The following SLC35A5 variants were observed in gnomAD, a reference collection of about 807,000 sequenced individuals.
SLC35A5 encodes UDP-sugar transporter protein SLC35A5.
Under a neutral mutation model 36.3 loss-of-function variants are expected in SLC35A5, and 28 were observed. That is an observed-to-expected ratio of 0.77 (90% CI 0.57 to 1.06). SLC35A5 has a LOEUF of 1.06. Ranked by LOEUF, SLC35A5 falls within the 50% of genes least tolerant of loss-of-function variation. The pLI is 0.00. For missense variants in SLC35A5, 521 were observed against 499.3 expected (o/e 1.04, Z -0.41); for synonymous variants, 180 against 173.7 (o/e 1.04, Z -0.29).
intron 2 of SLC35A5, 114 bp from the exon 3 acceptor site, chr3:112,569,053 AACTT>A (rs1576747799): frequency 5.3e-6 from 4 of 751,892 alleles, no homozygotes; most frequent in Non-Finnish European, 8.3e-6. Flanking sequence ...AACTGGAAGA[AACTT>A]AATATAACCA....
chr3:112,575,922 G>T (rs1382771502), intron 5 of SLC35A5, among the ~76,000 whole-genome samples: 1 of 151,838 alleles, frequency 6.6e-6, no homozygotes, highest in African/African-American at 2.4e-5. Context: ...ACCACGCCCA[G>T]CTAATTTTTG....
upstream of SLC35A5, chr3:112,561,561 G>C: frequency 2.5e-6 from 4 of 1,599,566 alleles, no homozygotes; most frequent in East Asian, 6.7e-5. Flanking sequence ...GCCCCGCGAC[G>C]GGATGGAAAG....
chr3:112,568,331 A>C (rs1934289561), intron 2 of SLC35A5, among the ~76,000 whole-genome samples: 1 of 152,240 alleles, frequency 6.6e-6, no homozygotes, highest in South Asian at 2.1e-4. Flanking sequence ...TGAGAGAAGC[A>C]AGCAAATGTC....
rs1559864599 is a variant in SLC35A5, at chr3:112,581,021, C to T, written c.904C>T (p.His302Tyr). The T allele has an allele frequency of 6.2e-7, 1 of 1,614,034 alleles. No homozygotes were observed. Among genetic ancestry groups the T allele is most frequent in the East Asian group, 2.2e-5 (1 of 44,882 alleles). The change falls in exon 6 of 7, where the codon CAC (histidine) becomes TAC (tyrosine). Residue 302 changes from histidine (H) to tyrosine (Y), a missense_variant. Coordinates refer to ENST00000492406, the MANE Select transcript of SLC35A5 (RefSeq NM_017945.5). ...TAAGAACTGTGGATTTTTTTATGGC[C>T]ACAGTGCATTTTCAGTAGCCCTTAT... Reference protein sequence around the residue: ...QIKNCGFFYGHSAFSVALIFV... With the variant: ...QIKNCGFFYGYSAFSVALIFV...
At chr3:112,573,083 T>C (rs189673553) in intron 4 of SLC35A5, among the ~76,000 whole-genome samples, 11 of 152,176 alleles carry the variant, frequency 7.2e-5, no homozygotes, top group Non-Finnish European at 1.3e-4. Flanking sequence ...ATATTAGCCA[T>C]GTTTGTTTTA....
intron 5 of SLC35A5, among the ~76,000 whole-genome samples, chr3:112,579,215 T>C (rs1934791471): frequency 6.6e-6 from 1 of 152,286 alleles, no homozygotes; most frequent in Non-Finnish European, 1.5e-5. Context: ...TACAAAACCA[T>C]GGATCCGATC....
intron 2 of SLC35A5, among the ~76,000 whole-genome samples, chr3:112,566,510 A>G (rs1480377104): frequency 6.6e-6 from 1 of 152,234 alleles, no homozygotes; most frequent in Non-Finnish European, 1.5e-5. Flanking sequence ...AAGAGGGCCA[A>G]ACTCCGAGGA....
chr3:112,564,356 T>A (rs565846205), intron 2 of SLC35A5: 36 of 152,296 alleles, frequency 2.4e-4, no homozygotes, highest in Admixed American at 1.4e-3. Context: ...GGTCTCTGCA[T>A]CATAAACAAG....
intron 2 of SLC35A5, among the ~76,000 whole-genome samples, chr3:112,566,801 A>G (rs1046825176): frequency 1.6e-4 from 25 of 152,238 alleles, no homozygotes; most frequent in Non-Finnish European, 3.1e-4. Flanking sequence ...AAGAACGTTG[A>G]TACTGTTTCA....
intron 2 of SLC35A5, among the ~76,000 whole-genome samples, chr3:112,566,062 G>A (rs1311354724): frequency 6.6e-6 from 1 of 152,190 alleles, no homozygotes; most frequent in African/African-American, 2.4e-5. Context: ...GACTAACTTA[G>A]TGTTTTGGAA....
At chr3:112,563,036 G>A (rs562950393) in intron 1 of SLC35A5, among the ~76,000 whole-genome samples, 4 of 152,216 alleles carry the variant, frequency 2.6e-5, no homozygotes, top group Non-Finnish European at 4.4e-5. Context: ...CTCCAGCCTG[G>A]GTGACAGAGC....
At position 112,563,386 on chromosome 3, in the gene SLC35A5, T is replaced by A; in HGVS notation, c.-18T>A. 1 of 1,484,850 alleles carries A rather than the reference T, an allele frequency of 6.7e-7. No homozygotes were observed. The highest frequency in any genetic ancestry group is 9.1e-7 in the Non-Finnish European group (1 of 1,097,688). The allele number at this position is 1,484,850 out of a possible 1,614,324, so 92.0% of individuals were successfully genotyped here. On this transcript the variant is annotated splice_region_variant and 5_prime_UTR_variant, in exon 2 of 7. Coordinates refer to ENST00000492406, the MANE Select transcript of SLC35A5 (RefSeq NM_017945.5). ...CATGAAAGTGTTTTTCTCTTTAAGG[T>A]AATTAAAAAACAGTGGAATGGAAAA...
chr3:112,573,952 CTGAAGTAAGTAACT>C lies in SLC35A5; in HGVS notation c.427_428+12del. ...AACAGCTCTTCTATTCAGGATAGTG[CTGAAGTAAGTAACT>C]TGCTGTGAAAACATATATCATACTT... On this transcript the variant is annotated splice_donor_variant and splice_donor_5th_base_variant and coding_sequence_variant and intron_variant, in exon 5 of 7. Coordinates refer to ENST00000492406, the MANE Select transcript of SLC35A5 (RefSeq NM_017945.5). LOFTEE classifies it high-confidence loss of function. The C allele has an allele frequency of 6.2e-7, 1 of 1,611,484 alleles. No individual in the cohort carries two copies.
intron 2 of SLC35A5, among the ~76,000 whole-genome samples, chr3:112,564,782 A>G (rs112109218): frequency 6.6e-6 from 1 of 152,134 alleles, no homozygotes; most frequent in Non-Finnish European, 1.5e-5. Context: ...CGTACTTGAG[A>G]TTAGGGAGTG....
intron 1 of SLC35A5, among the ~76,000 whole-genome samples, chr3:112,563,043 G>T (rs954491618): frequency 1.3e-5 from 2 of 152,248 alleles, no homozygotes; most frequent in African/African-American, 4.8e-5. Context: ...CTGGGTGACA[G>T]AGCGAGACTC....
Position 112,563,456 on chromosome 3 carries a change from A to T in SLC35A5, c.53A>T (p.Tyr18Phe). 1 of 1,605,116 alleles carries T rather than the reference A, an allele frequency of 6.2e-7. No individual in the cohort carries two copies. The highest frequency in any genetic ancestry group is 8.5e-7 in the Non-Finnish European group (1 of 1,173,110). Residue 18 changes from tyrosine (Y) to phenylalanine (F), a missense_variant, in exon 2 of 7, where the codon TAT becomes TTT. Transcript: ENST00000492406. ...HPVICSLSTM[Y>F]TFLLGAIFIA... ...GTAATATGCTCCTTGTCAACAATGT[A>T]TACATTCCTGCTAGGTGCCATATTC...
intron 5 of SLC35A5, among the ~76,000 whole-genome samples, chr3:112,579,908 A>G (rs1417246916): frequency 1.3e-5 from 2 of 152,196 alleles, no homozygotes; most frequent in Non-Finnish European, 2.9e-5. Flanking sequence ...ATTTCTCACA[A>G]GTTTGTTGCT....
rs1287429449 is a variant in SLC35A5, at chr3:112,584,105, A to G, written c.*1369A>G. Reference sequence around the variant, plus strand: ...ATTCATTTGTGATATCCACAATAATATGACTGGCAAGAATTGGTGGAAATT... The same window carrying G: ...ATTCATTTGTGATATCCACAATAATGTGACTGGCAAGAATTGGTGGAAATT... On this transcript the variant is annotated 3_prime_UTR_variant, in exon 7 of 7. Coordinates refer to ENST00000492406, the MANE Select transcript of SLC35A5 (RefSeq NM_017945.5). 6.6e-6 allele frequency: 1 copy of G among 152,208 alleles called. No individual in the cohort carries two copies. 9.4% of individuals were successfully genotyped at this position (152,208 alleles called of 1,614,324 possible).
At position 112,581,334 on chromosome 3, in the gene SLC35A5, T is replaced by C. The variant is rs747713587; in HGVS notation, c.1209+8T>C. On this transcript the variant is annotated splice_region_variant and intron_variant, in intron 6 of 6. Transcript: ENST00000492406. ...TGGGAGCGTTCCAGTGGGGTAAGTT[T>C]GTGAGGGTGTTCCTTTTTGCTTGTT... 13 of 1,571,840 alleles carry C rather than the reference T, an allele frequency of 8.3e-6. No homozygotes were observed. The African/African-American group carries it at 1.8e-4, about 22-fold the overall frequency.
Sources: allele counts gnomAD v4.1 joint callset (sites outside exome capture counted in the v4.1 genomes callset), GRCh38; gene constraint gnomAD v4.1.1; transcripts MANE v1.5; gene names NCBI Gene and HGNC (gene_info 2026-07-23, HGNC 2026-07-21).